The following KHDRBS2 variants were observed in gnomAD, a reference collection of about 807,000 sequenced individuals.
KHDRBS2 encodes the protein KH domain-containing, RNA-binding, signal transduction-associated protein 2.
Under a neutral mutation model 44.3 loss-of-function variants are expected in KHDRBS2, and 26 were observed. The ratio of observed to expected loss-of-function variants is 0.59; its 90% CI spans 0.43 to 0.81. The LOEUF (loss-of-function observed/expected upper bound fraction) is 0.81. KHDRBS2 is among the 40% of genes least tolerant of loss of function. KHDRBS2 has a pLI of 0.00. For synonymous variants in KHDRBS2, 194 were observed against 151.1 expected (o/e 1.28, Z -2.08); for missense variants, 476 against 433.1 (o/e 1.10, Z -0.88).
intron 2 of KHDRBS2, among the ~76,000 whole-genome samples, chr6:62,110,575 A>G (rs1804766827): frequency 6.6e-6 from 1 of 152,118 alleles, no homozygotes; most frequent in Admixed American, 6.6e-5. Context: ...ATGTTGAGTG[A>G]AAGAAGTCAG....
rs368538058 is a variant in KHDRBS2 at position 62,158,659 on chromosome 6, C to G, written c.219+18526G>C. On this transcript the variant is annotated intron_variant, in intron 2 of 8. Coordinates refer to ENST00000281156, the MANE Select transcript of KHDRBS2 (RefSeq NM_152688.4). ...AAAAATTACCATGTTACAAAGACAT[C>G]CATATAAATTAAGGTTTCTCTTATT... is the stretch of plus-strand genomic sequence containing the variant. Among the ~76,000 whole-genome samples, 13 of 152,190 alleles carry G rather than the reference C, an allele frequency of 8.5e-5. No homozygotes were observed. In the East Asian group the frequency reaches 2.3e-3, roughly 27 times the overall value.
chr6:61,689,343 A>T (rs1767136249), intron 8 of KHDRBS2, among the ~76,000 whole-genome samples: 1 of 151,998 alleles, frequency 6.6e-6, no homozygotes, highest in South Asian at 2.1e-4. Flanking sequence ...CTGAAAAATT[A>T]TTAAACTTGA....
At chr6:62,283,147 A>G (rs184025718) in intron 1 of KHDRBS2, among the ~76,000 whole-genome samples, 1 of 152,266 alleles carries the variant, frequency 6.6e-6, no homozygotes. Flanking sequence ...CAGGATGAAC[A>G]TTATTTTAAT....
At chr6:61,917,077 C>T (rs11967307) in intron 4 of KHDRBS2, among the ~76,000 whole-genome samples, 3,308 of 149,178 alleles carry the variant, frequency 0.022, 131 homozygotes, top group African/African-American at 0.078. Context: ...CCATATGATC[C>T]AGCAATTGTG....
intron 1 of KHDRBS2, among the ~76,000 whole-genome samples, chr6:62,194,244 T>C (rs1825171275): frequency 6.6e-6 from 1 of 152,028 alleles, no homozygotes; most frequent in Admixed American, 6.6e-5. Context: ...GCTAAATTTT[T>C]ATAAACAGGA....
chr6:62,027,762 G>A (rs1315067658), intron 3 of KHDRBS2, among the ~76,000 whole-genome samples: 3 of 152,100 alleles, frequency 2.0e-5, no homozygotes, highest in Non-Finnish European at 4.4e-5. Context: ...ACACATAGAG[G>A]TGGTGGGAGG....
intron 4 of KHDRBS2, among the ~76,000 whole-genome samples, chr6:61,974,505 G>A (rs1463502113): frequency 6.6e-6 from 1 of 152,042 alleles, no homozygotes; most frequent in Non-Finnish European, 1.5e-5. Context: ...ATTCTAACCT[G>A]TATTTTTAAG....
intron 6 of KHDRBS2, among the ~76,000 whole-genome samples, chr6:61,877,058 C>T (rs9453327): frequency 0.35 from 53,738 of 151,962 alleles, 10,324 homozygotes; most frequent in African/African-American, 0.51. Context: ...TATTCATTTG[C>T]ATATTGTGTA....
At chr6:61,812,190 T>A (rs1282886201) in intron 6 of KHDRBS2, among the ~76,000 whole-genome samples, 2 of 152,058 alleles carry the variant, frequency 1.3e-5, no homozygotes, top group Admixed American at 6.5e-5. Context: ...CCTTCTCTTA[T>A]CTACTTCCAA....
intron 6 of KHDRBS2, among the ~76,000 whole-genome samples, chr6:61,863,596 G>A (rs1262694224): frequency 1.3e-5 from 2 of 152,146 alleles, no homozygotes; most frequent in South Asian, 2.1e-4. Context: ...ATGGTTTTGA[G>A]TGAATACCTT....
rs182563794 is a variant in KHDRBS2, at chr6:61,755,062, T to G, written c.811-22298A>C. 4.6e-5 allele frequency among the ~76,000 whole-genome samples: 7 copies of G among 152,292 alleles called. No individual in the cohort carries two copies. The East Asian group carries it at 1.4e-3, about 29-fold the overall frequency. ...TAATAAATCAATATTTCAAGGGATT[T>G]TGCAAAGGTTACTTTCAGGCAGTTT... On this transcript the variant is annotated intron_variant, in intron 6 of 8. Transcript: ENST00000281156.
chr6:62,217,408 T>C (rs1413899166), intron 1 of KHDRBS2, among the ~76,000 whole-genome samples: 3 of 151,946 alleles, frequency 2.0e-5, no homozygotes, highest in African/African-American at 2.4e-5. Flanking sequence ...GAAGTAAACA[T>C]ATATAATTTA....
chr6:62,229,741 G>A (rs1452170421), intron 1 of KHDRBS2, among the ~76,000 whole-genome samples: 1 of 152,118 alleles, frequency 6.6e-6, no homozygotes, highest in Non-Finnish European at 1.5e-5. Context: ...TGGCTGGGGG[G>A]TAGGGGCTCC....
In KHDRBS2 at chr6:62,059,839, GGAA is replaced by G. The variant is rs1791311882; in HGVS notation, c.220-11848_220-11846del. On this transcript the variant is annotated intron_variant, in intron 2 of 8. Coordinates refer to ENST00000281156, the MANE Select transcript of KHDRBS2 (RefSeq NM_152688.4). ...CACGTATATTCAGAAGAAAAAATAA[GGAA>G]GAAGGGTAAATAATTTCTGGAAGAA... Among the ~76,000 whole-genome samples the G allele has an allele frequency of 2.0e-5, 3 of 151,630 alleles. No individual in the cohort carries two copies. The South Asian group carries it at 6.2e-4, about 31-fold the overall frequency.
chr6:61,876,692 G>C (rs1422663086), intron 6 of KHDRBS2, among the ~76,000 whole-genome samples: 1 of 152,002 alleles, frequency 6.6e-6, no homozygotes, highest in African/African-American at 2.4e-5. Flanking sequence ...TTAAAAGGAC[G>C]GGAGGAGCTT....
chr6:62,255,253 C>A (rs753486483), intron 1 of KHDRBS2, among the ~76,000 whole-genome samples: 2 of 152,038 alleles, frequency 1.3e-5, no homozygotes, highest in Non-Finnish European at 2.9e-5. Flanking sequence ...CTGGAGAATT[C>A]TATCTGATCT....
At chr6:62,259,771 T>C (rs1456210269) in intron 1 of KHDRBS2, among the ~76,000 whole-genome samples, 3 of 152,012 alleles carry the variant, frequency 2.0e-5, no homozygotes, top group Admixed American at 1.3e-4. Flanking sequence ...TTACCCACCA[T>C]ATTCATTGCC....
At chr6:61,958,247 C>T (rs1238294845) in intron 4 of KHDRBS2, among the ~76,000 whole-genome samples, 1 of 152,118 alleles carries the variant, frequency 6.6e-6, no homozygotes, top group Non-Finnish European at 1.5e-5. Context: ...TTAACTGAAG[C>T]CTGGCTTCTT....
At chr6:61,705,937 T>C (rs549634992) in intron 7 of KHDRBS2, among the ~76,000 whole-genome samples, 1 of 152,010 alleles carries the variant, frequency 6.6e-6, no homozygotes, top group Admixed American at 6.6e-5. Flanking sequence ...TTTGCTTATC[T>C]GTCTTCCCTA....
Sources: allele counts gnomAD v4.1 joint callset (sites outside exome capture counted in the v4.1 genomes callset), GRCh38; gene constraint gnomAD v4.1.1; transcripts MANE v1.5; gene names NCBI Gene and HGNC (gene_info 2026-07-23, HGNC 2026-07-21).